Variants in PARD3B observed in about 807,000 individuals in gnomAD.
The protein encoded by PARD3B is partitioning defective 3 homolog B.
A neutral mutation model predicts 130.2 loss-of-function variants in PARD3B; 103 were observed. That is an observed-to-expected ratio of 0.79 (90% CI 0.67 to 0.93). The LOEUF (loss-of-function observed/expected upper bound fraction) is 0.93. Ranked by LOEUF, PARD3B falls within the 40% of genes least tolerant of loss-of-function variation. The pLI is 0.00. For synonymous variants in PARD3B, 583 were observed against 553.2 expected (o/e 1.05, Z -0.76); for missense variants, 1,609 against 1,499.2 (o/e 1.07, Z -1.21).
intron 22 of PARD3B, among the ~76,000 whole-genome samples, chr2:205,607,622 G>A (rs1317516407): frequency 1.3e-5 from 2 of 152,174 alleles, no homozygotes; most frequent in African/African-American, 4.8e-5. Flanking sequence ...AGGCACTTGG[G>A]AACATGCTGC....
At chr2:205,382,751 G>A (rs1192466186) in intron 18 of PARD3B, among the ~76,000 whole-genome samples, 2 of 151,904 alleles carry the variant, frequency 1.3e-5, no homozygotes, top group East Asian at 3.9e-4. Context: ...TGAGATTCAT[G>A]GATATTTATT....
chr2:205,125,299 G>C lies in PARD3B; in HGVS notation c.1306-310G>C, dbSNP rs1450625997. 2.6e-5 allele frequency among the ~76,000 whole-genome samples: 4 copies of C among 152,176 alleles called. No homozygotes were observed. Among genetic ancestry groups the C allele is most frequent in the African/African-American group, 9.7e-5 (4 of 41,448 alleles). On this transcript the variant is annotated intron_variant, in intron 9 of 22. Coordinates refer to ENST00000406610, the MANE Select transcript of PARD3B (RefSeq NM_001302769.2). The surrounding 1 kb of genome is among the most constrained non-coding windows in gnomAD (Gnocchi z 4.0). ...TTAGGCAGAAAATGGCGCTAAGTAA[G>C]CCTTTGCAATCTGCTTTCTACCTTA...
At position 204,943,983 on chromosome 2, in the gene PARD3B, G is replaced by A. The variant is rs1188517585; in HGVS notation, c.223-21169G>A. Among the ~76,000 whole-genome samples the A allele has an allele frequency of 2.6e-5, 4 of 151,866 alleles. No individual in the cohort carries two copies. Among genetic ancestry groups the A allele is most frequent in the African/African-American group, 7.3e-5 (3 of 41,336 alleles). On this transcript the variant is annotated intron_variant, in intron 2 of 22. Coordinates refer to ENST00000406610, the MANE Select transcript of PARD3B (RefSeq NM_001302769.2). The surrounding 1 kb of genome is among the most constrained non-coding windows in gnomAD (Gnocchi z 4.2). ...AACATTCAAAATTACATCACCTCAG[G>A]GAAACTAAGTTAAGAACAACTCAAA... is the stretch of plus-strand genomic sequence containing the variant.
At chr2:205,465,641 T>A (rs901467218) in intron 20 of PARD3B, among the ~76,000 whole-genome samples, 1 of 152,196 alleles carries the variant, frequency 6.6e-6, no homozygotes, top group African/African-American at 2.4e-5. Context: ...TACATTCTAC[T>A]TTAAGAAAGG....
chr2:204,978,670 G>T (rs1425286277), intron 3 of PARD3B, among the ~76,000 whole-genome samples: 1 of 152,100 alleles, frequency 6.6e-6, no homozygotes, highest in Non-Finnish European at 1.5e-5. Context: ...TCATAAAAAT[G>T]ACAGATTTTG....
intron 1 of PARD3B, among the ~76,000 whole-genome samples, chr2:204,681,976 T>C (rs1481301587): frequency 6.6e-6 from 1 of 152,206 alleles, no homozygotes; most frequent in Non-Finnish European, 1.5e-5. Context: ...AGATTATATT[T>C]TGAAGGTTTC....
At chr2:205,318,078 C>A (rs2105954592) in intron 18 of PARD3B, among the ~76,000 whole-genome samples, 1 of 152,284 alleles carries the variant, frequency 6.6e-6, no homozygotes, top group East Asian at 1.9e-4. Flanking sequence ...TGATTGCAGA[C>A]AAACCCACCA....
chr2:205,073,530 T>C (rs1700867106), intron 4 of PARD3B, among the ~76,000 whole-genome samples: 1 of 152,238 alleles, frequency 6.6e-6, no homozygotes, highest in South Asian at 2.1e-4. Flanking sequence ...GTAGACATTA[T>C]CAAATCAATC....
In PARD3B at chr2:205,176,346, A is replaced by G; in HGVS notation, c.1792-99A>G. 1 of 1,227,642 alleles carries G rather than the reference A, an allele frequency of 8.1e-7. No individual in the cohort carries two copies. The highest frequency in any genetic ancestry group is 1.1e-6 in the Non-Finnish European group (1 of 898,926). The allele number at this position is 1,227,642 out of a possible 1,614,324, so 76.0% of individuals were successfully genotyped here. ...AGGACTTAAGTGTAATAGACTCTTG[A>G]AAGACTATTCATACAGCGATCATTC... On this transcript the variant is annotated intron_variant, in intron 12 of 22. Transcript: ENST00000406610. This position sits in a 1 kb window ranked among gnomAD's most constrained non-coding sequence, Gnocchi z 5.3.
intron 18 of PARD3B, among the ~76,000 whole-genome samples, chr2:205,392,117 T>G (rs2045881633): frequency 6.6e-6 from 1 of 152,204 alleles, no homozygotes; most frequent in Non-Finnish European, 1.5e-5. Flanking sequence ...CCATTGCATT[T>G]CCTAGCCCCT....
intron 20 of PARD3B, among the ~76,000 whole-genome samples, chr2:205,456,876 T>C (rs932865396): frequency 2.0e-5 from 3 of 149,840 alleles, no homozygotes; most frequent in African/African-American, 7.3e-5. Flanking sequence ...ATTTAATAAA[T>C]ATTAAATTGA....
intron 19 of PARD3B, among the ~76,000 whole-genome samples, chr2:205,408,634 T>G (rs1206932446): frequency 6.6e-6 from 1 of 152,176 alleles, no homozygotes; most frequent in Non-Finnish European, 1.5e-5. Flanking sequence ...AAAAAGGATG[T>G]ATTAAAGAAA....
chr2:204,810,624 A>T (rs2042930677), intron 2 of PARD3B, among the ~76,000 whole-genome samples: 2 of 152,122 alleles, frequency 1.3e-5, no homozygotes, highest in African/African-American at 2.4e-5. Context: ...TGATTTGTGT[A>T]TGTTGAACCA....
intron 1 of PARD3B, among the ~76,000 whole-genome samples, chr2:204,569,888 A>G (rs960495116): frequency 7.2e-5 from 11 of 152,182 alleles, no homozygotes; most frequent in African/African-American, 2.4e-4. Flanking sequence ...CTCAAAGATC[A>G]TGATGTTAAA....
At chr2:205,194,971 G>A (rs369937462) in intron 15 of PARD3B, among the ~76,000 whole-genome samples, 1 of 50,974 alleles carries the variant, frequency 2.0e-5, no homozygotes, top group African/African-American at 7.5e-5. Flanking sequence ...TTTTTTTTTT[G>A]TATTTTTAGT....
chr2:205,025,396 T>C (rs2125344558), intron 3 of PARD3B, among the ~76,000 whole-genome samples: 1 of 152,324 alleles, frequency 6.6e-6, no homozygotes, highest in East Asian at 1.9e-4. Flanking sequence ...ACATGCACAG[T>C]GCCCTTTGGT....
chr2:204,979,069 G>A (rs1243097583), intron 3 of PARD3B, among the ~76,000 whole-genome samples: 3 of 151,984 alleles, frequency 2.0e-5, no homozygotes, highest in Admixed American at 1.3e-4. Flanking sequence ...AGCCGGGCGT[G>A]GTGGCGGGCG....
intron 2 of PARD3B, among the ~76,000 whole-genome samples, chr2:204,883,450 TATA>T (rs1168877765): frequency 3.6e-5 from 4 of 112,086 alleles, no homozygotes; most frequent in African/African-American, 1.9e-4. Flanking sequence ...TATATATATA[TATA>T]TATTTTTTTT....
At position 205,087,023 on chromosome 2, in the gene PARD3B, T is replaced by A. The variant is rs909015152; in HGVS notation, c.505-17403T>A. ...CCTCTAGCTTTCATTGCTGAGAGTC[T>A]TCCAAGTGTGTTTAACAGTTCATAT... On this transcript the variant is annotated intron_variant, in intron 4 of 22. Transcript: ENST00000406610. 7.9e-5 allele frequency among the ~76,000 whole-genome samples: 12 copies of A among 152,332 alleles called. No individual in the cohort carries two copies. The East Asian group carries it at 2.3e-3, about 29-fold the overall frequency.
Sources: allele counts gnomAD v4.1 joint callset (sites outside exome capture counted in the v4.1 genomes callset), GRCh38; gene constraint gnomAD v4.1.1; non-coding constraint Gnocchi (gnomAD v3.1); transcripts MANE v1.5; gene names NCBI Gene and HGNC (gene_info 2026-07-23, HGNC 2026-07-21).